TREH: variants seen among roughly 807,000 people sequenced by gnomAD.
TREH encodes the protein trehalase.
TREH carries 69 observed loss-of-function variants against 80.5 expected under a neutral mutation model. The observed-to-expected ratio is 0.86, with a 90% CI of 0.71 to 1.05. The LOEUF (loss-of-function observed/expected upper bound fraction) is 1.05. Among genes scored for constraint, TREH ranks in the 50% least tolerant of loss-of-function variants. The pLI is 0.00. For synonymous variants in TREH, 309 were observed against 293.5 expected, an observed-to-expected ratio of 1.05 and a Z score of -0.54; for missense variants, 716 against 718.8, an observed-to-expected ratio of 1.00 and a Z score of 0.04.
In TREH at chr11:118,661,690, C is replaced by T; in HGVS notation, c.564G>A (p.Glu188=). ...YWVMEGLLLS[E]MAETVKGMLQ... ...GCATGCCCTTCACCGTCTCAGCCATCTCTGAGAGGAGCAGACCCTCCATGA... is the reference window on the plus strand; with the variant it reads ...GCATGCCCTTCACCGTCTCAGCCATTTCTGAGAGGAGCAGACCCTCCATGA... Residue 188 remains glutamate (E), a synonymous_variant, in exon 6 of 15, where the codon GAG becomes GAA. Transcript: ENST00000264029. This position sits in a 1 kb window ranked among gnomAD's most constrained non-coding sequence, Gnocchi z 4.2. 1.2e-6 allele frequency: 2 copies of T among 1,613,980 alleles called. 1 individual carries two copies. The highest frequency in any genetic ancestry group is 2.2e-5 in the South Asian group (2 of 91,082).
In TREH at chr11:118,674,048, A is replaced by G. The variant is rs114041004; in HGVS notation, c.89+5491T>C. On this transcript the variant is annotated intron_variant, in intron 1 of 14. Transcript: ENST00000264029. This position sits in a 1 kb window ranked among gnomAD's most constrained non-coding sequence, Gnocchi z 4.4. ...ATACACTGAGTAACTGCATTCCCCCAGGAGCTTGTTCCTGATCCAGCCATT... is the reference window on the plus strand; with the variant it reads ...ATACACTGAGTAACTGCATTCCCCCGGGAGCTTGTTCCTGATCCAGCCATT... Among the ~76,000 whole-genome samples, 1,598 of 152,286 alleles carry G rather than the reference A, an allele frequency of 0.01. 26 individuals carry two copies. The highest frequency in any genetic ancestry group is 0.035 in the African/African-American group (1,454 of 41,546).
In TREH at chr11:118,659,470, G is replaced by A; in HGVS notation, c.1332C>T (p.Ile444=). The A allele has an allele frequency of 6.3e-7, 1 of 1,597,094 alleles. No individual in the cohort carries two copies. The change falls in exon 12 of 15, where the codon ATC becomes ATT. Residue 444 remains isoleucine, a synonymous_variant. Coordinates refer to ENST00000264029, the MANE Select transcript of TREH (RefSeq NM_007180.3). Reference sequence around the variant, plus strand: ...TCGGGATCCCATACTGGTAAGTCAGGATCCGGTTGTCCTAGAAGGTCCCAG... The same window carrying A: ...TCGGGATCCCATACTGGTAAGTCAGAATCCGGTTGTCCTAGAAGGTCCCAG... ...KALKYLEDNR[I]LTYQYGIPTS...
In TREH at chr11:118,658,158, T is replaced by G; in HGVS notation, c.*131A>C. 6 of 1,320,272 alleles carry G rather than the reference T, an allele frequency of 4.5e-6. No individual in the cohort carries two copies. Among genetic ancestry groups the G allele is most frequent in the Admixed American group, 2.5e-5 (1 of 39,708 alleles). The allele number at this position is 1,320,272 out of a possible 1,614,324, so 81.8% of individuals were successfully genotyped here. ...GCCCCTACCCATGACCTCCAGGTCG[T>G]GACCCTGCCCTCCACTTCGCTCTGA... is the stretch of plus-strand genomic sequence containing the variant. On this transcript the variant is annotated 3_prime_UTR_variant, in exon 15 of 15. Transcript: ENST00000264029.
chr11:118,665,339 C>T (rs1591832471), intron 1 of TREH, among the ~76,000 whole-genome samples: 1 of 151,992 alleles, frequency 6.6e-6, no homozygotes, highest in Non-Finnish European at 1.5e-5. Context: ...GGACAATTCT[C>T]AAAGAAAAAA....
chr11:118,679,052 C>T (rs1949507575), intron 1 of TREH, among the ~76,000 whole-genome samples: 1 of 152,222 alleles, frequency 6.6e-6, no homozygotes, highest in South Asian at 2.1e-4. Context: ...GGACCTCAGG[C>T]CAGGCTCTGG....
chr11:118,660,756 C>T (rs868988002), intron 9 of TREH, 23 bp from the exon 10 acceptor site: 2 of 1,556,800 alleles, frequency 1.3e-6, no homozygotes, highest in South Asian at 1.2e-5. Context: ...AGCAGGGAAC[C>T]AGCCAGTCCC....
rs781808341 is a variant in TREH at position 118,663,392 on chromosome 11, T to G, written c.137A>C (p.Lys46Thr). The G allele has an allele frequency of 2.5e-6, 4 of 1,597,222 alleles. No individual in the cohort carries two copies. Among genetic ancestry groups the G allele is most frequent in the Non-Finnish European group, 3.4e-6 (4 of 1,171,974 alleles). ...AAACTGCTTGTCATCCTGGTAGAGC[T>G]TGGCCATTTGAACTTGGTTTAGGAG... Reference protein sequence around the residue: ...GELLNQVQMAKLYQDDKQFVD... With the variant: ...GELLNQVQMATLYQDDKQFVD... The change falls in exon 2 of 15, where the codon AAG becomes ACG. Residue 46 changes from lysine (K) to threonine (T), a missense_variant. Coordinates refer to ENST00000264029, the MANE Select transcript of TREH (RefSeq NM_007180.3).
intron 1 of TREH, among the ~76,000 whole-genome samples, chr11:118,678,082 G>A (rs1210248022): frequency 6.6e-6 from 1 of 151,988 alleles, no homozygotes; most frequent in Non-Finnish European, 1.5e-5. Context: ...CTGGAGCCCC[G>A]CTCTCCCCGG....
chr11:118,672,614 G>T (rs895195913), intron 1 of TREH, among the ~76,000 whole-genome samples: 1 of 149,788 alleles, frequency 6.7e-6, no homozygotes, highest in Non-Finnish European at 1.5e-5. Flanking sequence ...TGGAGGCTGA[G>T]GCATGAGAAT....
intron 1 of TREH, among the ~76,000 whole-genome samples, chr11:118,678,877 C>G (rs1784544): frequency 6.6e-6 from 1 of 152,208 alleles, no homozygotes; most frequent in Non-Finnish European, 1.5e-5. Flanking sequence ...GGTCAGGGCT[C>G]AAGCCCAAGT....
At chr11:118,668,561 CAAAAAAAA>C (rs35085066) in intron 1 of TREH, among the ~76,000 whole-genome samples, 9 of 47,868 alleles carry the variant, frequency 1.9e-4, no homozygotes, top group East Asian at 7.6e-4. Context: ...GACTCTGTCT[CAAAAAAAA>C]AAAAAAAAAA....
At chr11:118,663,635 G>T (rs1453573942) in intron 1 of TREH, among the ~76,000 whole-genome samples, 196 bp from the exon 2 acceptor site, 3 of 152,072 alleles carry the variant, frequency 2.0e-5, no homozygotes, top group Admixed American at 6.5e-5. Context: ...GAACAAGTAG[G>T]GTCTTTGGGC....
intron 1 of TREH, among the ~76,000 whole-genome samples, chr11:118,670,773 A>G (rs782125260): frequency 2.0e-5 from 3 of 152,204 alleles, no homozygotes; most frequent in Non-Finnish European, 4.4e-5. Flanking sequence ...CAGCTTCCAG[A>G]GCAGGAGTGG....
intron 1 of TREH, among the ~76,000 whole-genome samples, chr11:118,675,600 G>T (rs1297207711): frequency 3.3e-5 from 5 of 152,160 alleles, no homozygotes; most frequent in African/African-American, 9.7e-5. Context: ...AGGTCTAGGG[G>T]GGCCCTGAAT....
At chr11:118,670,057 T>C (rs1275718460) in intron 1 of TREH, among the ~76,000 whole-genome samples, 2 of 152,154 alleles carry the variant, frequency 1.3e-5, no homozygotes, top group Non-Finnish European at 2.9e-5. Flanking sequence ...TTCAAATGTC[T>C]TAAATATTAA....
At chr11:118,663,865 C>A (rs1340577370) in intron 1 of TREH, among the ~76,000 whole-genome samples, 3 of 151,998 alleles carry the variant, frequency 2.0e-5, no homozygotes, top group Non-Finnish European at 4.4e-5. Flanking sequence ...CATTTCCAGG[C>A]GGTGTATGGT....
chr11:118,667,068 G>A (rs1401051479), intron 1 of TREH, among the ~76,000 whole-genome samples: 1 of 151,970 alleles, frequency 6.6e-6, no homozygotes, highest in Non-Finnish European at 1.5e-5. Flanking sequence ...TTTTAATAGA[G>A]ATGGGGTTTC....
chr11:118,676,510 G>A (rs1225509147), intron 1 of TREH, among the ~76,000 whole-genome samples: 1 of 151,466 alleles, frequency 6.6e-6, no homozygotes, highest in Non-Finnish European at 1.5e-5. Context: ...ACTCATGCCT[G>A]TAATCCCAGC....
In TREH at chr11:118,661,187, C is replaced by T. The variant is rs782111382; in HGVS notation, c.830G>A (p.Arg277His). 1.3e-5 allele frequency: 21 copies of T among 1,613,768 alleles called. No homozygotes were observed. The highest frequency in any genetic ancestry group is 5.3e-5 in the African/African-American group (4 of 74,896). The change falls in exon 8 of 15, where the codon CGC (arginine) becomes CAC (histidine). Residue 277 changes from arginine to histidine, a missense_variant. Coordinates refer to ENST00000264029, the MANE Select transcript of TREH (RefSeq NM_007180.3). This position sits in a 1 kb window ranked among gnomAD's most constrained non-coding sequence, Gnocchi z 4.2. ...SLEGKNYLLN[R>H]YYVPYGGPRP... ...GGGTCCCCCATAAGGGACATAATAG[C>T]GATTCAGGAGGTAGTTCTTTCCCTC...
Sources: gnomAD v4.1 joint callset for allele counts (sites outside exome capture counted in the v4.1 genomes callset) on GRCh38, gnomAD v4.1.1 for gene constraint, Gnocchi (gnomAD v3.1) non-coding constraint, MANE v1.5 for transcripts, NCBI Gene and HGNC (gene_info 2026-07-23, HGNC 2026-07-21) for gene names.